Variants in WDR44 observed in about 807,000 individuals in gnomAD.
WDR44 encodes the protein WD repeat-containing protein 44.
Under a neutral mutation model 65.7 loss-of-function variants are expected in WDR44, and 9 were observed. The observed-to-expected ratio is 0.14, with a 90% CI of 0.08 to 0.24. The LOEUF is 0.24. WDR44 is among the 10% of genes least tolerant of loss of function. The pLI, the probability that WDR44 is intolerant of heterozygous loss-of-function variation, is 1.00. For missense variants in WDR44, 425 were observed against 670.9 expected (o/e 0.63, Z 4.05); for synonymous variants, 220 against 235.2 (o/e 0.94, Z 0.59).
chrX:118,427,286 T>C (rs1411788413), intron 12 of WDR44, among the ~76,000 whole-genome samples: 3 of 106,334 alleles, frequency 2.8e-5, no homozygotes, highest in Non-Finnish European at 5.8e-5. Flanking sequence ...TTTTTTTTTT[T>C]TGGGGACGGA....
At chrX:118,376,128 G>A (rs1265192739) in intron 1 of WDR44, among the ~76,000 whole-genome samples, 1 of 110,591 alleles carries the variant, frequency 9.0e-6, no homozygotes, top group Non-Finnish European at 1.9e-5. Context: ...TGTAGAGATG[G>A]GGTGTCACTA....
chrX:118,374,466 G>A (rs1023876632), intron 1 of WDR44, among the ~76,000 whole-genome samples: 1 of 111,734 alleles, frequency 8.9e-6, no homozygotes, highest in Non-Finnish European at 1.9e-5. Flanking sequence ...TGAAATTGTA[G>A]TAGTTTGAAA....
At chrX:118,387,298 G>T (rs763254830) in intron 2 of WDR44, 42 bp from the exon 3 acceptor site, 3 of 959,851 alleles carry the variant, frequency 3.1e-6, no homozygotes, top group Non-Finnish European at 4.3e-6. Flanking sequence ...TTAAAGAAAA[G>T]ATGTCATCAT....
intron 12 of WDR44, among the ~76,000 whole-genome samples, chrX:118,411,365 G>A (rs1194677360): frequency 1.8e-5 from 2 of 111,656 alleles, no homozygotes; most frequent in African/African-American, 6.5e-5. Flanking sequence ...TTTCAGATAA[G>A]GTATCTTAAT....
intron 7 of WDR44, among the ~76,000 whole-genome samples, chrX:118,397,440 A>G (rs1034615148): frequency 9.0e-6 from 1 of 111,247 alleles, no homozygotes; most frequent in East Asian, 2.8e-4. Flanking sequence ...CTGAGGCAGC[A>G]CTTGAATTCA....
intron 19 of WDR44, among the ~76,000 whole-genome samples, chrX:118,446,904 C>G (rs1175540679): frequency 1.8e-5 from 2 of 110,435 alleles, no homozygotes; most frequent in Non-Finnish European, 3.8e-5. Context: ...TGGTGTCGCT[C>G]TGTTGCCCTG....
At chrX:118,394,750 A>G (rs766912904) in intron 5 of WDR44, among the ~76,000 whole-genome samples, 49 of 111,569 alleles carry the variant, frequency 4.4e-4, no homozygotes, top group African/African-American at 5.5e-4. Context: ...TAGTCTTGTT[A>G]TAGCCTTAGA....
intron 12 of WDR44, among the ~76,000 whole-genome samples, chrX:118,416,454 C>G (rs976964273): frequency 8.9e-6 from 1 of 111,961 alleles, no homozygotes; most frequent in African/African-American, 3.2e-5. Context: ...AGTGCTCATT[C>G]AGGAGCAGGT....
At chrX:118,359,479 G>A (rs2056493360) in intron 1 of WDR44, among the ~76,000 whole-genome samples, 1 of 111,969 alleles carries the variant, frequency 8.9e-6, no homozygotes, top group South Asian at 3.7e-4. Context: ...TGTTCTTTTA[G>A]GAATATGGCA....
At chrX:118,398,601 G>A (rs2056886304) in intron 8 of WDR44, 131 bp downstream of exon 8, 7 of 524,255 alleles carry the variant, frequency 1.3e-5, no homozygotes, top group Non-Finnish European at 1.6e-5. Context: ...CCTGTCCCTC[G>A]CTGATGGGTT....
At chrX:118,442,995 G>A (rs7891317) in intron 17 of WDR44, among the ~76,000 whole-genome samples, 1,908 of 110,809 alleles carry the variant, frequency 0.017, 45 homozygotes, top group African/African-American at 0.06. Context: ...TTAAGAGGGG[G>A]CTTACGGCTC....
chrX:118,392,607 A>G, intron 3 of WDR44, 25 bp from the exon 4 acceptor site: 1 of 1,156,034 alleles, frequency 8.7e-7, no homozygotes, highest in East Asian at 3.0e-5. Context: ...TCATTTTTAA[A>G]AACTACTTTT....
intron 1 of WDR44, among the ~76,000 whole-genome samples, chrX:118,358,107 A>T (rs2056478663): frequency 8.9e-6 from 1 of 112,323 alleles, no homozygotes; most frequent in African/African-American, 3.2e-5. Flanking sequence ...ACAGCTACCA[A>T]ATAACCCAGC....
At chrX:118,421,524 G>A (rs1454101027) in intron 12 of WDR44, among the ~76,000 whole-genome samples, 1 of 112,063 alleles carries the variant, frequency 8.9e-6, no homozygotes, top group African/African-American at 3.2e-5. Flanking sequence ...CCACAGTGAG[G>A]CACAGTAAAC....
At chrX:118,378,709 CGTGTGTGT>C (rs61698360) in intron 2 of WDR44, among the ~76,000 whole-genome samples, 3 of 94,455 alleles carry the variant, frequency 3.2e-5, no homozygotes, top group African/African-American at 1.3e-4. Flanking sequence ...AATAAAAGAA[CGTGTGTGT>C]GTGTGTGTGT....
chrX:118,357,901 C>T (rs1214910762), intron 1 of WDR44, among the ~76,000 whole-genome samples: 3 of 109,480 alleles, frequency 2.7e-5, no homozygotes, highest in Admixed American at 2.0e-4. Context: ...CAGCTGGGCG[C>T]GGTGGCTCAT....
At chrX:118,430,808 T>A (rs1055104757) in intron 12 of WDR44, among the ~76,000 whole-genome samples, 3 of 111,948 alleles carry the variant, frequency 2.7e-5, no homozygotes, top group African/African-American at 9.7e-5. Context: ...GCCATTGCAC[T>A]CCAGCCTAGG....
intron 1 of WDR44, among the ~76,000 whole-genome samples, chrX:118,361,975 T>C (rs985408289): frequency 8.9e-6 from 1 of 112,229 alleles, no homozygotes; most frequent in Non-Finnish European, 1.9e-5. Flanking sequence ...CAGTAGCTGA[T>C]TTCAAAATAT....
intron 4 of WDR44, 70 bp from the exon 5 acceptor site, chrX:118,393,985 T>A: frequency 9.9e-7 from 1 of 1,011,700 alleles, no homozygotes; most frequent in Non-Finnish European, 1.4e-6. Context: ...CAAGCCACTT[T>A]CCTCACAGGG....
Sources: allele counts gnomAD v4.1 joint callset (sites outside exome capture counted in the v4.1 genomes callset), GRCh38; gene constraint gnomAD v4.1.1; transcripts MANE v1.5; gene names NCBI Gene and HGNC (gene_info 2026-07-23, HGNC 2026-07-21).